Variants in MEF2C observed in about 807,000 individuals in gnomAD.
The protein encoded by MEF2C is myocyte enhancer factor 2C.
In MEF2C, 6 loss-of-function variants were observed where a neutral mutation model predicts 50.5. The observed-to-expected ratio is 0.12, with a 90% CI of 0.07 to 0.23. The LOEUF is 0.23. Ranked by LOEUF, MEF2C falls within the 10% of genes least tolerant of loss-of-function variation. The pLI is 1.00. For missense variants in MEF2C, 276 were observed against 605.0 expected (o/e 0.46, Z 5.70); for synonymous variants, 183 against 228.0 (o/e 0.80, Z 1.78).
chr5:88,734,088 G>A (rs1230614800), intron 6 of MEF2C: 17 of 984,726 alleles, frequency 1.7e-5, no homozygotes, highest in Non-Finnish European at 1.9e-5. Context: ...ACAAAATGGA[G>A]TGCTTAGAGG....
rs76000385 is a variant in MEF2C, at chr5:88,847,392, A to G, written c.-142-23462T>C. On this transcript the variant is annotated intron_variant, in intron 1 of 10. Transcript: ENST00000504921. ...AGCCCTAGAATACCAATGTAGTCCT[A>G]GTTTTGAGATTAGCAATCTATTATA... 4.4e-3 allele frequency among the ~76,000 whole-genome samples: 672 copies of G among 152,320 alleles called. 3 individuals are homozygous for G. Among genetic ancestry groups the G allele is most frequent in the African/African-American group, 0.015 (643 of 41,586 alleles).
intron 1 of MEF2C, among the ~76,000 whole-genome samples, chr5:88,840,234 A>G (rs2153315625): frequency 6.6e-6 from 1 of 152,270 alleles, no homozygotes; most frequent in South Asian, 2.1e-4. Context: ...CTTATAGCTA[A>G]TCCCTCACAG....
At chr5:88,886,996 G>A (rs573544671), upstream of MEF2C, among the ~76,000 whole-genome samples, 1 of 152,332 alleles carries the variant, frequency 6.6e-6, no homozygotes, top group Non-Finnish European at 1.5e-5. Flanking sequence ...TGTAGCTCTT[G>A]AAGTGAGCTT....
chr5:88,872,681 T>C lies in MEF2C; in HGVS notation c.-143+10274A>G, dbSNP rs546207877. Among the ~76,000 whole-genome samples, 10 of 152,168 alleles carry C rather than the reference T, an allele frequency of 6.6e-5. No homozygotes were observed. The East Asian group carries it at 1.9e-3, about 29-fold the overall frequency. ...TATGTATCTGCATTACGGTTTTATA[T>C]GTATTATCCTAGTAAATCCTTAAAA... On this transcript the variant is annotated intron_variant, in intron 1 of 10. Coordinates refer to ENST00000504921, the MANE Select transcript of MEF2C (RefSeq NM_002397.5).
chr5:88,751,340 C>T (rs1561818060), intron 5 of MEF2C: 1 of 985,274 alleles, frequency 1.0e-6, no homozygotes, highest in African/African-American at 1.7e-5. Context: ...TTTTATTTCA[C>T]ATGTCTTACA....
At chr5:88,874,120 T>G (rs1023793412) in intron 1 of MEF2C, among the ~76,000 whole-genome samples, 9 of 152,090 alleles carry the variant, frequency 5.9e-5, no homozygotes, top group South Asian at 2.1e-4. Flanking sequence ...TAACAGAGTT[T>G]AAAATTTCCC....
intron 3 of MEF2C, chr5:88,771,465 C>A (rs1244628756): frequency 1.0e-6 from 1 of 985,266 alleles, no homozygotes; most frequent in Non-Finnish European, 1.2e-6. Context: ...CTCAGGAACT[C>A]CCTTTTCTGT....
chr5:88,752,659 C>G lies in MEF2C; in HGVS notation c.403-616G>C, dbSNP rs372322782. On this transcript the variant is annotated intron_variant, in intron 4 of 10. Coordinates refer to ENST00000504921, the MANE Select transcript of MEF2C (RefSeq NM_002397.5). The stretch of plus-strand genomic sequence containing the variant: ...AAGTGGCAATTCAGAAAACACTATG[C>G]TTCATATTTTGGTGTGTACCGCCAC... 11 of 985,230 alleles carry G rather than the reference C, an allele frequency of 1.1e-5. No individual in the cohort carries two copies. The East Asian group carries it at 3.4e-4, about 30-fold the overall frequency. 61.0% of individuals were successfully genotyped at this position (985,230 alleles called of 1,614,324 possible).
At position 88,799,870 on chromosome 5, in the gene MEF2C, TCACACACACA is replaced by T. The variant is rs60340884; in HGVS notation, c.258+4718_258+4727del. 4.5e-4 allele frequency among the ~76,000 whole-genome samples: 48 copies of T among 107,522 alleles called. 1 individual carries two copies. Among genetic ancestry groups the T allele is most frequent in the African/African-American group, 9.6e-4 (30 of 31,224 alleles). 70.5% of individuals were successfully genotyped at this position (107,522 alleles called of 152,430 possible). On this transcript the variant is annotated intron_variant, in intron 3 of 10. Coordinates refer to ENST00000504921, the MANE Select transcript of MEF2C (RefSeq NM_002397.5). ...TTCCTTCTCTCTCTCTCTCTCTCTC[TCACACACACA>T]CACACACACACACACACACACACAC...
chr5:88,717,166 T>C lies in MEF2C; in HGVS notation c.*5438A>G, dbSNP rs1428667478. On this transcript the variant is annotated 3_prime_UTR_variant, in exon 11 of 11. Coordinates refer to ENST00000504921, the MANE Select transcript of MEF2C (RefSeq NM_002397.5). The stretch of plus-strand genomic sequence containing the variant: ...TATCAGGATATTATCAGGATAATGA[T>C]AGCAGAACACTAAACGAAACACAAG... 1 of 152,328 alleles carries C rather than the reference T, an allele frequency of 6.6e-6. No individual in the cohort carries two copies. The highest frequency in any genetic ancestry group is 1.5e-5 in the Non-Finnish European group (1 of 68,032). The allele number at this position is 152,328 out of a possible 1,614,324, so 9.4% of individuals were successfully genotyped here. A position where few individuals can be genotyped will look rare whatever the true frequency, so the allele number is the denominator to read the frequency against.
chr5:88,826,565 G>C (rs569645689), intron 1 of MEF2C, among the ~76,000 whole-genome samples: 1 of 152,030 alleles, frequency 6.6e-6, no homozygotes, highest in East Asian at 1.9e-4. Flanking sequence ...GTCAACAATA[G>C]CTCACGCATT....
chr5:88,871,448 G>C (rs1278622282), intron 1 of MEF2C, among the ~76,000 whole-genome samples: 2 of 151,976 alleles, frequency 1.3e-5, no homozygotes, highest in African/African-American at 2.4e-5. Flanking sequence ...AGTCCACTCT[G>C]CAAGTATTCC....
chr5:88,764,649 A>G (rs925405150), intron 3 of MEF2C, among the ~76,000 whole-genome samples: 2 of 152,002 alleles, frequency 1.3e-5, no homozygotes, highest in African/African-American at 4.8e-5. Flanking sequence ...TCTACCAAAA[A>G]TACAAAAAAT....
intron 1 of MEF2C, among the ~76,000 whole-genome samples, chr5:88,840,150 G>A (rs764019606): frequency 3.3e-5 from 5 of 152,138 alleles, no homozygotes; most frequent in Middle Eastern, 3.4e-3. Flanking sequence ...AAGGCCTTCC[G>A]GAAAAGGAGC....
chr5:88,900,760 A>G, intron 1 of MEF2C, among the ~76,000 whole-genome samples: 1 of 152,016 alleles, frequency 6.6e-6, no homozygotes, highest in Non-Finnish European at 1.5e-5. Flanking sequence ...ACTAGTCAAC[A>G]TGCTTAAAGT....
chr5:88,855,894 G>A (rs1417226832), intron 1 of MEF2C, among the ~76,000 whole-genome samples: 1 of 152,170 alleles, frequency 6.6e-6, no homozygotes, highest in African/African-American at 2.4e-5. Flanking sequence ...TGGTACTGCA[G>A]AGAGTGGGAC....
intron 1 of MEF2C, among the ~76,000 whole-genome samples, chr5:88,841,647 G>A (rs765718921): frequency 3.9e-5 from 6 of 152,052 alleles, no homozygotes; most frequent in Non-Finnish European, 8.8e-5. Flanking sequence ...ACACATACTT[G>A]TATTACATTT....
intron 1 of MEF2C, among the ~76,000 whole-genome samples, chr5:88,860,947 T>C (rs140410480): frequency 1.8e-3 from 275 of 152,298 alleles, no homozygotes; most frequent in Non-Finnish European, 2.9e-3. Context: ...TGCCAAATAT[T>C]TTAGGGAGTC....
chr5:88,756,317 C>A (rs1219735272), intron 4 of MEF2C, among the ~76,000 whole-genome samples: 1 of 152,144 alleles, frequency 6.6e-6, no homozygotes, highest in Non-Finnish European at 1.5e-5. Flanking sequence ...GCTACCTTCC[C>A]CCCTTTTGGA....
Sources: gnomAD v4.1 joint callset for allele counts (sites outside exome capture counted in the v4.1 genomes callset) on GRCh38, gnomAD v4.1.1 for gene constraint, MANE v1.5 for transcripts, NCBI Gene and HGNC (gene_info 2026-07-23, HGNC 2026-07-21) for gene names.